The following PTCH2 variants were observed in gnomAD, a reference collection of about 807,000 sequenced individuals.
The protein encoded by PTCH2 is protein patched homolog 2.
A neutral mutation model predicts 117.9 loss-of-function variants in PTCH2; 96 were observed. That is an observed-to-expected ratio of 0.81 (90% CI 0.69 to 0.96). The LOEUF (loss-of-function observed/expected upper bound fraction) is 0.96. PTCH2 is among the 50% of genes least tolerant of loss of function. The probability of loss-of-function intolerance (pLI) is 0.00; values close to 1 mark genes in which losing one functional copy is unlikely to be tolerated. For missense variants in PTCH2, 1,379 were observed against 1,562.5 expected (o/e 0.88, Z 1.98); for synonymous variants, 615 against 660.9 (o/e 0.93, Z 1.06).
Position 44,831,950 on chromosome 1 carries a change from C to T in PTCH2, c.525+25G>A. On this transcript the variant is annotated intron_variant, in intron 4 of 21. Transcript: ENST00000372192. The surrounding 1 kb of genome is among the most constrained non-coding windows in gnomAD (Gnocchi z 4.3). ...TCCCACGCTACAGAAAAAGTTCTGC[C>T]TCTACTCCCTCTCAGGACACTTACC... 1.3e-6 allele frequency: 2 copies of T among 1,598,890 alleles called. No individual in the cohort carries two copies. Among genetic ancestry groups the T allele is most frequent in the Non-Finnish European group, 8.6e-7 (1 of 1,166,192 alleles).
In PTCH2 at chr1:44,832,357, G is replaced by A. The variant is rs1653495706; in HGVS notation, c.266-16C>T. The A allele has an allele frequency of 1.2e-6, 2 of 1,613,118 alleles. No individual in the cohort carries two copies. Among genetic ancestry groups the A allele is most frequent in the South Asian group, 1.1e-5 (1 of 91,054 alleles). On this transcript the variant is annotated splice_polypyrimidine_tract_variant and intron_variant, in intron 2 of 21. Coordinates refer to ENST00000372192, the MANE Select transcript of PTCH2 (RefSeq NM_003738.5). ...CGGCTGCCCACTGCCAGAGCAAACAGAGAAAGCTGGGGGGGAAAGGGCCTA... is the reference window on the plus strand; with the variant it reads ...CGGCTGCCCACTGCCAGAGCAAACAAAGAAAGCTGGGGGGGAAAGGGCCTA...
chr1:44,827,637 G>C lies in PTCH2; in HGVS notation c.2136C>G (p.Ala712=). 1 of 1,613,544 alleles carries C rather than the reference G, an allele frequency of 6.2e-7. No individual in the cohort carries two copies. Among genetic ancestry groups the C allele is most frequent in the East Asian group, 2.2e-5 (1 of 44,878 alleles). ...TGCCCCGAGGCACCACATCCGTCAG[G>C]GCCAGGCCGTCTTGCACCAAGGTGG... ...YGATLVQDGL[A]LTDVVPRGTK... is the part of the protein sequence containing the mutation. Residue 712 remains alanine (A), a synonymous_variant, in exon 15 of 22, where the codon GCC becomes GCG. Transcript: ENST00000372192.
At chr1:44,828,928 T>A in intron 11 of PTCH2, 54 bp downstream of exon 11, 1 of 1,526,186 alleles carries the variant, frequency 6.6e-7, no homozygotes, top group Non-Finnish European at 8.9e-7. Context: ...ACCAAGAGGC[T>A]CTTAACCAGT....
intron 2 of PTCH2, among the ~76,000 whole-genome samples, chr1:44,839,783 G>T (rs1653859655): frequency 6.6e-6 from 1 of 152,144 alleles, no homozygotes; most frequent in South Asian, 2.1e-4. Context: ...CATCTGCTCT[G>T]GACCCCAGGG....
rs1191313024 is a variant in PTCH2 at position 44,826,372 on chromosome 1, T to C, written c.2992A>G (p.Met998Val). 1 of 1,614,030 alleles carries C rather than the reference T, an allele frequency of 6.2e-7. No individual in the cohort carries two copies. Among genetic ancestry groups the C allele is most frequent in the East Asian group, 2.2e-5 (1 of 44,872 alleles). The change falls in exon 19 of 22, where the codon ATG becomes GTG. Residue 998 changes from methionine (M) to valine (V), a missense_variant. Physicochemically the swap from Met to Val is conservative, Grantham distance 21. Transcript: ENST00000372192. This position sits in a 1 kb window ranked among gnomAD's most constrained non-coding sequence, Gnocchi z 5.1. The stretch of plus-strand genomic sequence containing the variant: ...ATACCAAAGAGTTCCACTGTCATCA[T>C]CGCCAGGACCAGCACCTGAGGGAGA... ...TAGLIVLVLA[M>V]MTVELFGIMG...
chr1:44,830,953 C>T lies in PTCH2; in HGVS notation c.708G>A (p.Glu236=). ...GGCCCACCTGTGCCTTGTCTAGCAG[C>T]TCCCGGAAGCCCTCAAGGGAGGCAA... The part of the protein sequence containing the change: ...GPFASLEGFR[E]LLDKAQVGQA... Residue 236 remains glutamate (E), a synonymous_variant, in exon 6 of 22, where the codon GAG becomes GAA. Transcript: ENST00000372192. 6.2e-7 allele frequency: 1 copy of T among 1,609,634 alleles called. No individual in the cohort carries two copies. The highest frequency in any genetic ancestry group is 8.5e-7 in the Non-Finnish European group (1 of 1,176,802).
rs1653487042 is a variant in PTCH2, at chr1:44,832,199, G to C, written c.408C>G (p.Leu136=). Reference sequence around the variant, plus strand: ...CTTTACTGGCAGTGAGGGCTGCCTGGAGGTGGAGGCCAAGTGCTTCGGGTG... The same window carrying C: ...CTTTACTGGCAGTGAGGGCTGCCTGCAGGTGGAGGCCAAGTGCTTCGGGTG... ...ILTPEALGLH[L]QAALTASKVQ... Residue 136 remains leucine (L), a synonymous_variant, in exon 3 of 22, where the codon CTC becomes CTG. Transcript: ENST00000372192. 3 of 1,614,056 alleles carry C rather than the reference G, an allele frequency of 1.9e-6. No individual in the cohort carries two copies. The highest frequency in any genetic ancestry group is 2.5e-6 in the Non-Finnish European group (3 of 1,180,054).
intron 2 of PTCH2, among the ~76,000 whole-genome samples, chr1:44,833,969 TCTCA>T (rs1653572595): frequency 1.3e-5 from 2 of 151,828 alleles, no homozygotes; most frequent in East Asian, 3.9e-4. Flanking sequence ...CATGTAATCT[TCTCA>T]CTCACAAAAG....
chr1:44,827,719 G>A lies in PTCH2; in HGVS notation c.2059-5C>T, dbSNP rs199815682. 116 of 1,610,932 alleles carry A rather than the reference G, an allele frequency of 7.2e-5. No individual in the cohort carries two copies. The highest frequency in any genetic ancestry group is 4.5e-5 in the East Asian group (2 of 44,876). On this transcript the variant is annotated splice_region_variant and splice_polypyrimidine_tract_variant and intron_variant, in intron 14 of 21. Transcript: ENST00000372192. ...AAAGAGCACCAGCACGATGGCCTGC[G>A]GGATGTAGCAACTAAGCTGGAGACC...
chr1:44,822,103 T>C lies in PTCH2; in HGVS notation c.*312A>G, dbSNP rs769120113. The C allele has an allele frequency of 5.1e-6, 7 of 1,385,242 alleles. No homozygotes were observed. The highest frequency in any genetic ancestry group is 6.5e-6 in the Non-Finnish European group (7 of 1,068,928). The allele number at this position is 1,385,242 out of a possible 1,614,324, so 85.8% of individuals were successfully genotyped here. On this transcript the variant is annotated 3_prime_UTR_variant, in exon 22 of 22. Coordinates refer to ENST00000372192, the MANE Select transcript of PTCH2 (RefSeq NM_003738.5). ...CAGGAGTCACCAGACGGAAGGGTGC[T>C]GGAGGGTCCCTCAGGCTTGGTCAGC...
chr1:44,827,416 C>T lies in PTCH2; in HGVS notation c.2357G>A (p.Arg786His), dbSNP rs752986243. The T allele has an allele frequency of 5.6e-6, 9 of 1,614,014 alleles. No individual in the cohort carries two copies. Among genetic ancestry groups the T allele is most frequent in the East Asian group, 2.2e-5 (1 of 44,872 alleles). ...TCGCCTCTCACCCTGTAGCCAGTTGCGGTAATAGTGCAGCCAGGTGCGGGG... is the reference window on the plus strand; with the variant it reads ...TCGCCTCTCACCCTGTAGCCAGTTGTGGTAATAGTGCAGCCAGGTGCGGGG... Reference protein sequence around the residue: ...QAPRTWLHYYRNWLQGIQAAF... With the variant: ...QAPRTWLHYYHNWLQGIQAAF... The change falls in exon 15 of 22, where the codon CGC (arginine) becomes CAC (histidine). Residue 786 changes from arginine (R) to histidine (H), a missense_variant. Physicochemically the swap from Arg to His is conservative, Grantham distance 29. Transcript: ENST00000372192.
intron 2 of PTCH2, among the ~76,000 whole-genome samples, chr1:44,836,466 T>G (rs893388838): frequency 2.6e-5 from 4 of 151,952 alleles, no homozygotes; most frequent in Middle Eastern, 3.2e-3. Context: ...TCCCAGCACT[T>G]TGGGAGGCCG....
At chr1:44,837,601 T>C (rs1025966458) in intron 2 of PTCH2, among the ~76,000 whole-genome samples, 1 of 152,136 alleles carries the variant, frequency 6.6e-6, no homozygotes, top group Non-Finnish European at 1.5e-5. Context: ...GTTTTTGCCA[T>C]GTTGCCCAGG....
chr1:44,836,743 A>G (rs563799005), intron 2 of PTCH2, among the ~76,000 whole-genome samples: 28 of 152,100 alleles, frequency 1.8e-4, no homozygotes, highest in African/African-American at 6.5e-4. Flanking sequence ...AAAAAAGATC[A>G]GCCTGGGCAA....
intron 2 of PTCH2, among the ~76,000 whole-genome samples, chr1:44,839,180 A>C (rs1157868587): frequency 3.3e-5 from 5 of 152,058 alleles, no homozygotes; most frequent in African/African-American, 7.2e-5. Flanking sequence ...CGAGGCCAGC[A>C]TGGCCAACAT....
Position 44,828,455 on chromosome 1 carries a change from T to C in PTCH2, c.1591-41A>G, listed in dbSNP as rs11573584. ...GAGGGGAATGAAGGCTGGATGAAGC[T>C]TGGCCTCAGCCCCACACCCACCCTG... On this transcript the variant is annotated intron_variant, in intron 12 of 21. Transcript: ENST00000372192. 473 of 1,614,104 alleles carry C rather than the reference T, an allele frequency of 2.9e-4. 6 individuals carry two copies. The South Asian group carries it at 4.8e-3, about 16-fold the overall frequency.
At chr1:44,835,395 T>C (rs1310840286) in intron 2 of PTCH2, among the ~76,000 whole-genome samples, 1 of 152,216 alleles carries the variant, frequency 6.6e-6, no homozygotes, top group Non-Finnish European at 1.5e-5. Flanking sequence ...ATATAACTGG[T>C]TAACCAATAT....
intron 6 of PTCH2, among the ~76,000 whole-genome samples, chr1:44,830,609 T>TAAAAAAAAAAAAAAAAAAAAA (rs1653397579): frequency 2.4e-5 from 2 of 84,822 alleles, no homozygotes; most frequent in Non-Finnish European, 4.7e-5. Flanking sequence ...AAAAAAGAAG[T>TAAAAAAAAAAAAAAAAAAAAA]CCAGCCTTAT....
chr1:44,842,119 C>T (rs1464562318), intron 1 of PTCH2, 80 bp from the exon 2 acceptor site: 24 of 1,350,994 alleles, frequency 1.8e-5, no homozygotes, highest in Non-Finnish European at 2.4e-5. Flanking sequence ...TGTATATCTG[C>T]TGCCCAGCCC....
Sources: allele counts gnomAD v4.1 joint callset (sites outside exome capture counted in the v4.1 genomes callset), GRCh38; gene constraint gnomAD v4.1.1; non-coding constraint Gnocchi (gnomAD v3.1); transcripts MANE v1.5; gene names NCBI Gene and HGNC (gene_info 2026-07-23, HGNC 2026-07-21).